The following SFTPB variants were observed in gnomAD, a reference collection of about 807,000 sequenced individuals.
SFTPB encodes pulmonary surfactant-associated protein B.
A neutral mutation model predicts 51.0 loss-of-function variants in SFTPB; 32 were observed. The ratio of observed to expected loss-of-function variants is 0.63; its 90% CI spans 0.47 to 0.84. The LOEUF is 0.84. Ranked by LOEUF, SFTPB falls within the 40% of genes least tolerant of loss-of-function variation. The pLI is 0.00. For missense variants in SFTPB, 431 were observed against 491.2 expected (o/e 0.88, Z 1.16); for synonymous variants, 211 against 208.5 (o/e 1.01, Z -0.10).
chr2:85,668,249 G>GTA (rs1677759012), upstream of SFTPB: 3 of 1,468,012 alleles, frequency 2.0e-6, no homozygotes, highest in African/African-American at 4.2e-5. Context: ...GGGCGTGGGG[G>GTA]CTCTGTAGGA....
intron 4 of SFTPB, 56 bp from the exon 5 acceptor site, chr2:85,665,850 T>C (rs1677558540): frequency 6.4e-7 from 1 of 1,563,716 alleles, no homozygotes; most frequent in Non-Finnish European, 8.8e-7. Context: ...CCCACCCCTA[T>C]TCAGGCCGGC....
At chr2:85,661,263 G>C in intron 10 of SFTPB, 191 bp downstream of exon 10, 1 of 502,738 alleles carries the variant, frequency 2.0e-6, no homozygotes, top group Non-Finnish European at 3.7e-6. Flanking sequence ...CAGTGCTCGG[G>C]GTCCGGAAAG....
intron 5 of SFTPB, 95 bp from the exon 6 acceptor site, chr2:85,665,473 T>G (rs550064684): frequency 4.2e-6 from 6 of 1,434,830 alleles, no homozygotes; most frequent in Admixed American, 1.7e-5. Context: ...CTCTCCCTCC[T>G]CCCTTAGGCC....
chr2:85,667,463 AT>A (rs1035554920), intron 2 of SFTPB, among the ~76,000 whole-genome samples: 2 of 149,502 alleles, frequency 1.3e-5, no homozygotes, highest in Non-Finnish European at 3.0e-5. Flanking sequence ...CCTCCCATCC[AT>A]CCCATCCCAT....
At chr2:85,665,487 C>T in intron 5 of SFTPB, 109 bp from the exon 6 acceptor site, 1 of 1,442,544 alleles carries the variant, frequency 6.9e-7, no homozygotes, top group South Asian at 1.2e-5. Context: ...TTAGGCCCTG[C>T]CTGGAGCTTC....
chr2:85,667,463 A>G (rs1357700030), intron 2 of SFTPB, among the ~76,000 whole-genome samples: 3 of 149,502 alleles, frequency 2.0e-5, no homozygotes, highest in Non-Finnish European at 4.4e-5. Context: ...CCTCCCATCC[A>G]TCCCATCCCA....
In SFTPB at chr2:85,665,487, C is replaced by G. The variant is rs1677527185; in HGVS notation, c.583-109G>C. 5 of 1,442,544 alleles carry G rather than the reference C, an allele frequency of 3.5e-6. No individual in the cohort carries two copies. In the South Asian group the frequency reaches 5.8e-5, roughly 17 times the overall value. 89.4% of individuals were successfully genotyped at this position (1,442,544 alleles called of 1,614,324 possible). ...TCTCTCCCTCCTCCCTTAGGCCCTG[C>G]CTGGAGCTTCCTATCACCTTCCCGG... is the stretch of plus-strand genomic sequence containing the variant. On this transcript the variant is annotated intron_variant, in intron 5 of 10. Transcript: ENST00000519937.
At chr2:85,662,635 GT>G (rs1677365986) in intron 8 of SFTPB, among the ~76,000 whole-genome samples, 1 of 152,130 alleles carries the variant, frequency 6.6e-6, no homozygotes, top group Non-Finnish European at 1.5e-5. Flanking sequence ...CAGGTCAGGG[GT>G]TCGAGACCAG....
At chr2:85,668,330 C>G (rs1000118895), upstream of SFTPB, 4 of 736,966 alleles carry the variant, frequency 5.4e-6, no homozygotes, top group African/African-American at 3.5e-5. Context: ...CTTTTCCCAG[C>G]AGGAACACTC....
In SFTPB at chr2:85,666,618, G is replaced by C. The variant is rs1130866; in HGVS notation, c.392C>G (p.Thr131Ser). 6.2e-7 allele frequency: 1 copy of C among 1,612,714 alleles called. No individual in the cohort carries two copies. The highest frequency in any genetic ancestry group is 8.5e-7 in the Non-Finnish European group (1 of 1,179,364). The stretch of plus-strand genomic sequence containing the variant: ...AGGAGGTGAGCTTGCAGCCCTCACA[G>C]TCTGGTTCTGGAAGTAGTCGATGAC... The part of the protein sequence containing the change: ...PLVIDYFQNQ[T>S]DSNGICMHLG... Residue 131 changes from threonine (T) to serine (S), a missense_variant and splice_region_variant, in exon 4 of 11, where the codon ACT becomes AGT. Physicochemically the swap from Thr to Ser is moderately conservative, Grantham distance 58. Transcript: ENST00000519937.
At position 85,666,659 on chromosome 2, in the gene SFTPB, G is replaced by T. The variant is rs147417469; in HGVS notation, c.351C>A (p.Asp117Glu). The T allele has an allele frequency of 2.5e-6, 4 of 1,613,810 alleles. No individual in the cohort carries two copies. Among genetic ancestry groups the T allele is most frequent in the Non-Finnish European group, 3.4e-6 (4 of 1,179,832 alleles). Residue 117 changes from aspartate to glutamate, a missense_variant, in exon 4 of 11, where the codon GAC (aspartate) becomes GAA (glutamate). Transcript: ENST00000519937. ...LLMPQCNQVL[D>E]DYFPLVIDYF... ...AGTCGATGACCAGGGGGAAGTAGTC[G>T]TCAAGCACTTGGTTGCACTGGGGCA...
In SFTPB at chr2:85,663,820, C is replaced by G. The variant is rs1460755638; in HGVS notation, c.700G>C (p.Val234Leu). Reference protein sequence around the residue: ...KGALAVAVAQVCRVVPLVAGG... With the variant: ...KGALAVAVAQLCRVVPLVAGG... ...GCCACCAGAGGTACCACGCGGCACA[C>G]CTGGGCCACTGCCACAGCTAGCGCA... Residue 234 changes from valine (V) to leucine (L), a missense_variant, in exon 7 of 11, where the codon GTG becomes CTG. Transcript: ENST00000519937. The G allele has an allele frequency of 1.3e-6, 2 of 1,595,716 alleles. No homozygotes were observed. The highest frequency in any genetic ancestry group is 1.7e-5 in the Admixed American group (1 of 57,952).
intron 9 of SFTPB, 74 bp downstream of exon 9, chr2:85,661,955 G>T: frequency 6.9e-7 from 1 of 1,450,362 alleles, no homozygotes; most frequent in South Asian, 1.2e-5. Context: ...GGCCTCTGAG[G>T]ATCACGGGCC....
intron 5 of SFTPB, 101 bp from the exon 6 acceptor site, chr2:85,665,479 A>G (rs1263134411): frequency 7.0e-7 from 1 of 1,436,648 alleles, no homozygotes; most frequent in East Asian, 2.3e-5. Context: ...CTCCTCCCTT[A>G]GGCCCTGCCT....
Position 85,663,866 on chromosome 2 carries a change from G to A in SFTPB, c.673-19C>T. On this transcript the variant is annotated intron_variant, in intron 6 of 10. Coordinates refer to ENST00000519937, the MANE Select transcript of SFTPB (RefSeq NM_000542.5). ...GCGCACCCTGGGGCGGGGGCGGAGAGAGGCCAGCATGGGACCTTCACTTGG... is the reference window on the plus strand; with the variant it reads ...GCGCACCCTGGGGCGGGGGCGGAGAAAGGCCAGCATGGGACCTTCACTTGG... The A allele has an allele frequency of 6.4e-7, 1 of 1,568,164 alleles. No individual in the cohort carries two copies. Among genetic ancestry groups the A allele is most frequent in the African/African-American group, 1.3e-5 (1 of 74,240 alleles).
chr2:85,664,426 G>A (rs1266965905), intron 6 of SFTPB, among the ~76,000 whole-genome samples: 1 of 151,982 alleles, frequency 6.6e-6, no homozygotes, highest in African/African-American at 2.4e-5. Context: ...CTCCGTCCCT[G>A]TCCCATCACC....
At chr2:85,668,376 G>T (rs1677763600), upstream of SFTPB, 1 of 626,676 alleles carries the variant, frequency 1.6e-6, no homozygotes, top group South Asian at 1.9e-5. Context: ...CTGATGGCCT[G>T]TTCCTGCCTC....
rs926493738 is a variant in SFTPB, at chr2:85,658,360, G to C, written c.*1342C>G. 6.6e-6 allele frequency: 1 copy of C among 152,310 alleles called. No homozygotes were observed. The highest frequency in any genetic ancestry group is 6.5e-5 in the Admixed American group (1 of 15,274). 9.4% of individuals were successfully genotyped at this position (152,310 alleles called of 1,614,324 possible). A position where few individuals can be genotyped will look rare whatever the true frequency, so the allele number is the denominator to read the frequency against. ...ATCCCAGTGAGTAGAGACTGGGAGG[G>C]GAGAGCAGCAGCTGGAGGGCAGGCT... On this transcript the variant is annotated 3_prime_UTR_variant, in exon 11 of 11. Transcript: ENST00000519937.
chr2:85,666,582 G>A (rs372134019), intron 4 of SFTPB, 35 bp downstream of exon 4: 185 of 1,609,166 alleles, frequency 1.1e-4, no homozygotes, highest in Admixed American at 2.0e-4. Flanking sequence ...GGCCTGCGTG[G>A]GGAGGCAGGC....
Sources: gnomAD v4.1 joint callset for allele counts (sites outside exome capture counted in the v4.1 genomes callset) on GRCh38, gnomAD v4.1.1 for gene constraint, MANE v1.5 for transcripts, NCBI Gene and HGNC (gene_info 2026-07-23, HGNC 2026-07-21) for gene names.